The following CSRNP3 variants were observed in gnomAD, a reference collection of about 807,000 sequenced individuals.
CSRNP3 encodes the protein cysteine and serine rich nuclear protein 3, also known as cysteine/serine-rich nuclear protein 3.
In CSRNP3, 12 loss-of-function variants were observed where a neutral mutation model predicts 48.0. That is an observed-to-expected ratio of 0.25 (90% CI 0.16 to 0.41). The LOEUF (loss-of-function observed/expected upper bound fraction) is 0.41. CSRNP3 is among the 10% of genes least tolerant of loss of function. The pLI, the probability that CSRNP3 is intolerant of heterozygous loss-of-function variation, is 1.00. For missense variants in CSRNP3, 580 were observed against 724.4 expected (o/e 0.80, Z 2.29); for synonymous variants, 263 against 269.7 (o/e 0.98, Z 0.24).
At chr2:165,667,087 G>GAA (rs1687244506) in intron 5 of CSRNP3, among the ~76,000 whole-genome samples, 1 of 138,984 alleles carries the variant, frequency 7.2e-6, no homozygotes, top group African/African-American at 2.7e-5. Flanking sequence ...GAGAAAGAAA[G>GAA]AGAGAGAGAG....
At chr2:165,604,417 A>G (rs1423689934) in intron 4 of CSRNP3, among the ~76,000 whole-genome samples, 2 of 152,234 alleles carry the variant, frequency 1.3e-5, no homozygotes, top group Non-Finnish European at 2.9e-5. Flanking sequence ...AGATGCATTT[A>G]TTAGAAGACT....
intron 3 of CSRNP3, among the ~76,000 whole-genome samples, chr2:165,540,503 G>A (rs1485324955): frequency 6.6e-6 from 1 of 152,016 alleles, no homozygotes; most frequent in Non-Finnish European, 1.5e-5. Context: ...GTGCTCTACT[G>A]CTGGGCAAGG....
intron 4 of CSRNP3, among the ~76,000 whole-genome samples, chr2:165,602,267 A>G (rs1685928254): frequency 6.6e-6 from 1 of 152,110 alleles, no homozygotes; most frequent in Non-Finnish European, 1.5e-5. Context: ...CAAAATAGGC[A>G]TCATAAGTTA....
At chr2:165,550,583 C>A (rs897743171) in intron 3 of CSRNP3, among the ~76,000 whole-genome samples, 2 of 152,040 alleles carry the variant, frequency 1.3e-5, no homozygotes, top group Non-Finnish European at 2.9e-5. Flanking sequence ...ACAGAGCAAA[C>A]CAAAAAAAGG....
intron 4 of CSRNP3, among the ~76,000 whole-genome samples, chr2:165,600,023 G>T (rs1685887629): frequency 6.7e-6 from 1 of 148,620 alleles, no homozygotes; most frequent in Non-Finnish European, 1.5e-5. Context: ...ATGCTGGTGT[G>T]CTGCACCCAT....
intron 3 of CSRNP3, among the ~76,000 whole-genome samples, chr2:165,561,940 T>C (rs1685239708): frequency 1.3e-5 from 2 of 152,170 alleles, no homozygotes; most frequent in South Asian, 4.1e-4. Flanking sequence ...TGAATATACA[T>C]GAAAATTCCT....
chr2:165,648,452 T>C (rs2105339625), intron 4 of CSRNP3, among the ~76,000 whole-genome samples: 1 of 152,234 alleles, frequency 6.6e-6, no homozygotes, highest in Admixed American at 6.5e-5. Context: ...GCTAAGTCAA[T>C]TAGATATAAA....
chr2:165,650,658 A>C (rs1436543877), intron 4 of CSRNP3, among the ~76,000 whole-genome samples: 1 of 152,226 alleles, frequency 6.6e-6, no homozygotes, highest in Non-Finnish European at 1.5e-5. Flanking sequence ...AGCAACACAC[A>C]CAACTTCAGA....
intron 3 of CSRNP3, among the ~76,000 whole-genome samples, chr2:165,557,764 A>G (rs1685179137): frequency 6.6e-6 from 1 of 152,206 alleles, no homozygotes; most frequent in Non-Finnish European, 1.5e-5. Context: ...CTAAATATTT[A>G]ATTGAATCCC....
intron 4 of CSRNP3, among the ~76,000 whole-genome samples, chr2:165,652,254 G>A (rs111578322): frequency 0.025 from 3,784 of 152,018 alleles, 141 homozygotes; most frequent in African/African-American, 0.084. Context: ...GCTCACGCCT[G>A]TAATCCCAGC....
At chr2:165,670,436 C>G (rs909772374) in intron 5 of CSRNP3, among the ~76,000 whole-genome samples, 1 of 152,130 alleles carries the variant, frequency 6.6e-6, no homozygotes, top group African/African-American at 2.4e-5. Flanking sequence ...AAAGATTGTT[C>G]AGTACCTGTT....
chr2:165,524,063 G>T (rs1432976739), intron 3 of CSRNP3, among the ~76,000 whole-genome samples: 1 of 152,132 alleles, frequency 6.6e-6, no homozygotes, highest in Non-Finnish European at 1.5e-5. Flanking sequence ...ATACATCAGA[G>T]CAATAAAATA....
intron 3 of CSRNP3, among the ~76,000 whole-genome samples, chr2:165,581,275 A>T (rs577192515): frequency 6.6e-6 from 1 of 152,320 alleles, no homozygotes; most frequent in East Asian, 1.9e-4. Context: ...TGCAGGTAAC[A>T]TGGAAAGCTT....
Position 165,683,250 on chromosome 2 carries a change from TA to T in CSRNP3, c.*3501del, listed in dbSNP as rs1264126246. 6.6e-6 allele frequency: 1 copy of T among 152,154 alleles called. No individual in the cohort carries two copies. Among genetic ancestry groups the T allele is most frequent in the East Asian group, 1.9e-4 (1 of 5,198 alleles). The allele number at this position is 152,154 out of a possible 1,614,324, so 9.4% of individuals were successfully genotyped here. A position where few individuals can be genotyped will look rare whatever the true frequency, so the allele number is the denominator to read the frequency against. ...TTGAAAGCCCATCATTTCTTTGTGA[TA>T]AAACCATTTTCTCAATGTGACAGCC... On this transcript the variant is annotated 3_prime_UTR_variant, in exon 7 of 7. Transcript: ENST00000651982.
chr2:165,571,995 G>T (rs540770261), intron 3 of CSRNP3, among the ~76,000 whole-genome samples: 2 of 152,116 alleles, frequency 1.3e-5, no homozygotes, highest in East Asian at 3.9e-4. Flanking sequence ...ATTCAGTAGC[G>T]CAAGGCTCTT....
chr2:165,608,638 A>G (rs757584271), intron 4 of CSRNP3, among the ~76,000 whole-genome samples: 1 of 152,202 alleles, frequency 6.6e-6, no homozygotes, highest in Non-Finnish European at 1.5e-5. Context: ...TATAAACAGT[A>G]TATTTTAAAA....
intron 4 of CSRNP3, among the ~76,000 whole-genome samples, chr2:165,631,204 G>A (rs530524998): frequency 1.4e-3 from 208 of 152,154 alleles, no homozygotes; most frequent in African/African-American, 4.9e-3. Flanking sequence ...TCAGAATTTC[G>A]GCTCCCTGTG....
intron 4 of CSRNP3, 122 bp downstream of exon 4, chr2:165,595,335 A>G (rs1039646251): frequency 1.9e-5 from 17 of 880,888 alleles, no homozygotes; most frequent in African/African-American, 1.2e-4. Flanking sequence ...AATACAAAGA[A>G]CACTTACCCA....
At chr2:165,547,906 T>A (rs1371881661) in intron 3 of CSRNP3, among the ~76,000 whole-genome samples, 5 of 152,150 alleles carry the variant, frequency 3.3e-5, no homozygotes, top group Non-Finnish European at 7.4e-5. Context: ...TGGGTACTTA[T>A]ACATCTATGC....
Sources: allele counts gnomAD v4.1 joint callset (sites outside exome capture counted in the v4.1 genomes callset), GRCh38; gene constraint gnomAD v4.1.1; transcripts MANE v1.5; gene names NCBI Gene and HGNC (gene_info 2026-07-23, HGNC 2026-07-21).